Variants in PLPPR1 observed in about 807,000 individuals in gnomAD.
PLPPR1 encodes phospholipid phosphatase-related protein type 1.
PLPPR1 carries 10 observed loss-of-function variants against 33.1 expected under a neutral mutation model. That is an observed-to-expected ratio of 0.30 (90% CI 0.19 to 0.51). PLPPR1 has a LOEUF of 0.51. Among genes scored for constraint, PLPPR1 ranks in the 20% least tolerant of loss-of-function variants. The pLI is 0.97. For missense variants in PLPPR1, 304 were observed against 408.1 expected (o/e 0.74, Z 2.20); for synonymous variants, 151 against 151.0 (o/e 1.00, Z 0.00).
intron 1 of PLPPR1, among the ~76,000 whole-genome samples, chr9:101,088,570 A>T (rs2118526947): frequency 6.6e-6 from 1 of 152,304 alleles, no homozygotes; most frequent in African/African-American, 2.4e-5. Flanking sequence ...TTTAAAAAAA[A>T]TAAAACGCAG....
rs888029806 is a variant in PLPPR1 at position 101,307,327 on chromosome 9, G to C, written c.386-1884G>C. The stretch of plus-strand genomic sequence containing the variant: ...GAAACACTTCTGACAAAATGCCAAA[G>C]GGAGATCCTGCCACTTTTCCTTTTT... On this transcript the variant is annotated intron_variant, in intron 4 of 7. Transcript: ENST00000374874. 9.2e-5 allele frequency among the ~76,000 whole-genome samples: 14 copies of C among 152,160 alleles called. No homozygotes were observed. In the South Asian group the frequency reaches 2.9e-3, roughly 32 times the overall value.
intron 1 of PLPPR1, among the ~76,000 whole-genome samples, chr9:101,036,802 C>T (rs1830016886): frequency 6.6e-6 from 1 of 151,916 alleles, no homozygotes; most frequent in Non-Finnish European, 1.5e-5. Flanking sequence ...CAGTAGGCCT[C>T]CTATGTACCA....
At chr9:101,111,442 C>T (rs934875976) in intron 1 of PLPPR1, among the ~76,000 whole-genome samples, 2 of 152,060 alleles carry the variant, frequency 1.3e-5, no homozygotes, top group African/African-American at 2.4e-5. Flanking sequence ...ATTCATAAGA[C>T]CTTTTCTATT....
At chr9:101,106,301 C>T (rs1167418943) in intron 1 of PLPPR1, among the ~76,000 whole-genome samples, 1 of 134,136 alleles carries the variant, frequency 7.5e-6, no homozygotes, top group Non-Finnish European at 1.6e-5. Context: ...TGTTCCTTTC[C>T]ATGTTTAGCG....
intron 2 of PLPPR1, among the ~76,000 whole-genome samples, chr9:101,230,730 G>A (rs1827165009): frequency 6.6e-6 from 1 of 151,770 alleles, no homozygotes; most frequent in African/African-American, 2.4e-5. Flanking sequence ...ACCCATCGTG[G>A]GCTAAAGTGG....
intron 1 of PLPPR1, among the ~76,000 whole-genome samples, chr9:101,151,880 A>G (rs1384017571): frequency 1.3e-5 from 2 of 152,182 alleles, no homozygotes; most frequent in African/African-American, 2.4e-5. Flanking sequence ...TGATTTGATG[A>G]TCTTCCAAAA....
intron 1 of PLPPR1, among the ~76,000 whole-genome samples, chr9:101,101,080 C>G (rs1830892405): frequency 6.6e-6 from 1 of 152,108 alleles, no homozygotes; most frequent in Admixed American, 6.6e-5. Context: ...GAACTTTGTG[C>G]ATTCTTTTAT....
intron 2 of PLPPR1, among the ~76,000 whole-genome samples, chr9:101,242,564 T>A (rs1200927779): frequency 6.6e-6 from 1 of 152,094 alleles, no homozygotes; most frequent in African/African-American, 2.4e-5. Flanking sequence ...GTTCTCTTAA[T>A]GTTTTTCAGT....
chr9:101,316,824 A>G lies in PLPPR1; in HGVS notation c.814-541A>G, dbSNP rs1024045671. 8.5e-5 allele frequency among the ~76,000 whole-genome samples: 13 copies of G among 152,150 alleles called. No individual in the cohort carries two copies. The South Asian group carries it at 2.7e-3, about 32-fold the overall frequency. On this transcript the variant is annotated intron_variant, in intron 6 of 7. Coordinates refer to ENST00000374874, the MANE Select transcript of PLPPR1 (RefSeq NM_207299.2). ...TTAAAGACCAGCTAACATGGACTGA[A>G]TACTTGCTATGCATTTGGCACTTTT... is the stretch of plus-strand genomic sequence containing the variant.
intron 1 of PLPPR1, among the ~76,000 whole-genome samples, chr9:101,075,521 A>G (rs1285382161): frequency 1.3e-5 from 2 of 152,228 alleles, no homozygotes; most frequent in African/African-American, 4.8e-5. Flanking sequence ...TTCTCAGATG[A>G]GAGTAACAGA....
rs111353463 is a variant in PLPPR1, at chr9:101,203,929, G to GAGAA, written c.63+18376_63+18379dup. Reference sequence around the variant, plus strand: ...AGGATCAGAATAGGGAAAGGAATTTGAGAAAGAGTTATGTCTTTGTTTTTC... The same window carrying GAGAA: ...AGGATCAGAATAGGGAAAGGAATTTGAGAAAGAAAGAGTTATGTCTTTGTTTTTC... On this transcript the variant is annotated intron_variant, in intron 2 of 7. Coordinates refer to ENST00000374874, the MANE Select transcript of PLPPR1 (RefSeq NM_207299.2). Among the ~76,000 whole-genome samples, 1,014 of 152,122 alleles carry GAGAA rather than the reference G, an allele frequency of 6.7e-3. 9 individuals carry two copies. The highest frequency in any genetic ancestry group is 0.022 in the African/African-American group (933 of 41,540).
chr9:101,147,113 A>G (rs1345549640), intron 1 of PLPPR1, among the ~76,000 whole-genome samples: 7 of 152,140 alleles, frequency 4.6e-5, no homozygotes, highest in Non-Finnish European at 5.9e-5. Flanking sequence ...TGTGCTTGGA[A>G]TTACCTATTG....
intron 1 of PLPPR1, among the ~76,000 whole-genome samples, chr9:101,042,835 C>T (rs1830091844): frequency 6.6e-6 from 1 of 152,086 alleles, no homozygotes. Context: ...ACTTATCAGT[C>T]ACTTCATATG....
rs186426579 is a variant in PLPPR1 at position 101,224,856 on chromosome 9, G to A, written c.63+39299G>A. On this transcript the variant is annotated intron_variant, in intron 2 of 7. Coordinates refer to ENST00000374874, the MANE Select transcript of PLPPR1 (RefSeq NM_207299.2). ...GTGAGTGTCCCTCCCATGGGATGGC[G>A]TCCTGTCCAGGGCTGGTTCCTCCAG... Among the ~76,000 whole-genome samples, 15 of 152,204 alleles carry A rather than the reference G, an allele frequency of 9.9e-5. No individual in the cohort carries two copies. In the East Asian group the frequency reaches 1.5e-3, roughly 16 times the overall value.
intron 1 of PLPPR1, among the ~76,000 whole-genome samples, chr9:101,044,205 T>C (rs1830118327): frequency 6.6e-6 from 1 of 152,144 alleles, no homozygotes; most frequent in South Asian, 2.1e-4. Flanking sequence ...CATCAAAAAA[T>C]AGGCTAAGGA....
chr9:101,251,565 C>T (rs10989457), intron 2 of PLPPR1, among the ~76,000 whole-genome samples: 8,845 of 152,066 alleles, frequency 0.058, 378 homozygotes, highest in South Asian at 0.22. Context: ...CAAAATGCTT[C>T]GGACTATATA....
intron 1 of PLPPR1, among the ~76,000 whole-genome samples, chr9:101,109,532 A>G (rs1335595362): frequency 6.6e-6 from 1 of 152,230 alleles, no homozygotes; most frequent in Non-Finnish European, 1.5e-5. Context: ...TAGCACAATC[A>G]TAGCTACACA....
At chr9:101,224,998 T>A (rs1827032855) in intron 2 of PLPPR1, among the ~76,000 whole-genome samples, 1 of 152,212 alleles carries the variant, frequency 6.6e-6, no homozygotes, top group Non-Finnish European at 1.5e-5. Context: ...TAAAAGCATT[T>A]TGATATCTGT....
At chr9:101,289,553 T>G (rs1462379337) in intron 4 of PLPPR1, among the ~76,000 whole-genome samples, 1 of 152,226 alleles carries the variant, frequency 6.6e-6, no homozygotes, top group Non-Finnish European at 1.5e-5. Context: ...AGGGACCTGG[T>G]AGGAGATAAC....
Sources: gnomAD v4.1 joint callset for allele counts (sites outside exome capture counted in the v4.1 genomes callset) on GRCh38, gnomAD v4.1.1 for gene constraint, MANE v1.5 for transcripts, NCBI Gene and HGNC (gene_info 2026-07-23, HGNC 2026-07-21) for gene names.